PRMT3: variants seen among roughly 807,000 people sequenced by gnomAD.
PRMT3 encodes the protein protein arginine methyltransferase 3, also known as protein arginine N-methyltransferase 3.
Under a neutral mutation model 71.9 loss-of-function variants are expected in PRMT3, and 62 were observed. The observed-to-expected ratio is 0.86, with a 90% confidence interval of 0.70 to 1.07. The LOEUF is 1.07. PRMT3 is among the 50% of genes least tolerant of loss of function. The pLI is 0.00. For synonymous variants in PRMT3, 213 were observed against 220.4 expected (o/e 0.97, Z 0.30); for missense variants, 663 against 643.0 (o/e 1.03, Z -0.34).
intron 13 of PRMT3, among the ~76,000 whole-genome samples, chr11:20,472,876 AGGGTGGG>A (rs1200893704): frequency 8.5e-4 from 1 of 1,170 alleles, no homozygotes; most frequent in African/African-American, 3.6e-3. Flanking sequence ...TGGGGGGTGG[AGGGTGGG>A]GAGGTGTTGA....
intron 13 of PRMT3, among the ~76,000 whole-genome samples, chr11:20,468,003 C>G (rs959441369): frequency 6.6e-6 from 1 of 152,150 alleles, no homozygotes; most frequent in Non-Finnish European, 1.5e-5. Context: ...ATTAGTCGCC[C>G]AGTTTATGTG....
intron 15 of PRMT3, among the ~76,000 whole-genome samples, chr11:20,499,105 CAT>C (rs1424183059): frequency 3.3e-5 from 5 of 152,094 alleles, no homozygotes; most frequent in Admixed American, 6.5e-5. Context: ...AGGCTTAAAA[CAT>C]ATGGAGAAGT....
intron 10 of PRMT3, among the ~76,000 whole-genome samples, chr11:20,451,509 A>T (rs1193756458): frequency 1.3e-5 from 2 of 151,296 alleles, no homozygotes; most frequent in South Asian, 2.1e-4. Context: ...TTTTTTTAAT[A>T]CCAAAAAGAA....
At position 20,477,805 on chromosome 11, in the gene PRMT3, C is replaced by G. The variant is rs1172853829; in HGVS notation, c.1347+13259C>G. Among the ~76,000 whole-genome samples the G allele has an allele frequency of 4.5e-5, 6 of 133,012 alleles. No homozygotes were observed. The South Asian group carries it at 8.3e-4, about 19-fold the overall frequency. The allele number at this position is 133,012 out of a possible 152,430, so 87.3% of individuals were successfully genotyped here. A position where few individuals can be genotyped will look rare whatever the true frequency, so the allele number is the denominator to read the frequency against. ...AGAAGGTTTTGGCTTAGGAGAAACCCCCCCCCCCCACTTCCTGTTTTGCAG... is the reference window on the plus strand; with the variant it reads ...AGAAGGTTTTGGCTTAGGAGAAACCGCCCCCCCCCACTTCCTGTTTTGCAG... On this transcript the variant is annotated intron_variant, in intron 13 of 15. Transcript: ENST00000331079.
intron 13 of PRMT3, among the ~76,000 whole-genome samples, chr11:20,484,726 C>G (rs534732191): frequency 3.9e-5 from 6 of 152,240 alleles, no homozygotes; most frequent in Non-Finnish European, 7.4e-5. Context: ...CTTTATCATA[C>G]AGGTAGGGGG....
At chr11:20,427,436 TAATG>T (rs1849571255) in intron 10 of PRMT3, among the ~76,000 whole-genome samples, 1 of 152,186 alleles carries the variant, frequency 6.6e-6, no homozygotes, top group African/African-American at 2.4e-5. Context: ...GAAATAAAAT[TAATG>T]GAGTCTGGGT....
intron 7 of PRMT3, among the ~76,000 whole-genome samples, chr11:20,399,742 C>G (rs910457130): frequency 6.6e-6 from 1 of 152,122 alleles, no homozygotes; most frequent in Non-Finnish European, 1.5e-5. Context: ...TGAGTACTTA[C>G]CATTTACAAA....
At chr11:20,417,278 G>T (rs973399602) in intron 9 of PRMT3, among the ~76,000 whole-genome samples, 1 of 152,124 alleles carries the variant, frequency 6.6e-6, no homozygotes, top group African/African-American at 2.4e-5. Context: ...GAGCAAAAGA[G>T]AAATAAATAT....
At chr11:20,433,571 G>A (rs1464156053) in intron 10 of PRMT3, among the ~76,000 whole-genome samples, 1 of 152,104 alleles carries the variant, frequency 6.6e-6, no homozygotes, top group East Asian at 1.9e-4. Context: ...ATTTCTCTGG[G>A]TATATACCCA....
chr11:20,435,196 A>G (rs1485090535), intron 10 of PRMT3, among the ~76,000 whole-genome samples: 1 of 151,878 alleles, frequency 6.6e-6, no homozygotes, highest in Non-Finnish European at 1.5e-5. Flanking sequence ...TTAAATATTT[A>G]ATCCATTTTT....
At chr11:20,476,767 C>CTTTAACCAGTTTGATCCATCTT (rs1850799270) in intron 13 of PRMT3, among the ~76,000 whole-genome samples, 2 of 149,308 alleles carry the variant, frequency 1.3e-5, no homozygotes, top group African/African-American at 5.0e-5. Context: ...TTTTTTATCT[C>CTTTAACCAGTTTGATCCATCTT]TTTAACCAGT....
intron 3 of PRMT3, among the ~76,000 whole-genome samples, chr11:20,391,098 TAAG>T (rs1848704070): frequency 6.6e-6 from 1 of 151,518 alleles, no homozygotes; most frequent in African/African-American, 2.4e-5. Flanking sequence ...TGTTGACAAC[TAAG>T]AAGGGACATT....
Position 20,395,807 on chromosome 11 carries a change from A to G in PRMT3, c.405A>G (p.Val135=), listed in dbSNP as rs762133888. ...LEDDLLLQFD[V]EDLYEPVSVP... Reference sequence around the variant, plus strand: ...AATGTCCATTTATTTCTTTAGATGTAGAAGATCTTTATGAACCGGTGTCAG... The same window carrying G: ...AATGTCCATTTATTTCTTTAGATGTGGAAGATCTTTATGAACCGGTGTCAG... Residue 135 remains valine, a synonymous_variant, in exon 6 of 16, where the codon GTA becomes GTG. Coordinates refer to ENST00000331079, the MANE Select transcript of PRMT3 (RefSeq NM_005788.4). The G allele has an allele frequency of 1.2e-6, 2 of 1,610,462 alleles. No homozygotes were observed. Among genetic ancestry groups the G allele is most frequent in the Non-Finnish European group, 1.7e-6 (2 of 1,178,376 alleles).
intron 15 of PRMT3, among the ~76,000 whole-genome samples, chr11:20,507,492 A>G (rs1176494224): frequency 6.6e-6 from 1 of 152,194 alleles, no homozygotes; most frequent in African/African-American, 2.4e-5. Flanking sequence ...TTAATGAAAC[A>G]GGGCTGGGCG....
At chr11:20,504,942 A>G (rs1851555399) in intron 15 of PRMT3, among the ~76,000 whole-genome samples, 1 of 152,174 alleles carries the variant, frequency 6.6e-6, no homozygotes, top group Non-Finnish European at 1.5e-5. Flanking sequence ...CAGGTTGGCC[A>G]GGCTGGTCTC....
intron 10 of PRMT3, among the ~76,000 whole-genome samples, chr11:20,444,236 A>G (rs1378347759): frequency 1.3e-5 from 2 of 152,168 alleles, no homozygotes; most frequent in African/African-American, 4.8e-5. Flanking sequence ...AGTTTCTAGT[A>G]TATCTGTCTT....
chr11:20,476,390 T>A (rs6483694), intron 13 of PRMT3, among the ~76,000 whole-genome samples: 125,997 of 152,114 alleles, frequency 0.83, 52,980 homozygotes, highest in Non-Finnish European at 0.91. Flanking sequence ...AAAGGCACTT[T>A]AATGAAAGGA....
chr11:20,411,885 A>G (rs1012332515), intron 9 of PRMT3, among the ~76,000 whole-genome samples: 1 of 152,190 alleles, frequency 6.6e-6, no homozygotes, highest in Non-Finnish European at 1.5e-5. Context: ...TTCAGAGGGA[A>G]CAGCCATGTA....
chr11:20,426,864 T>C lies in PRMT3; in HGVS notation c.992T>C (p.Met331Thr). Reference sequence around the variant, plus strand: ...GTAGATGTTATCATATCTGAGTGGATGGTGAGTGTTTATAGAAAAAACTAC... The same window carrying C: ...GTAGATGTTATCATATCTGAGTGGACGGTGAGTGTTTATAGAAAAAACTAC... ...EKVDVIISEWMGYFLLFESML... is the reference protein window; with the variant it reads ...EKVDVIISEWTGYFLLFESML... The change falls in exon 10 of 16, where the codon ATG becomes ACG. Residue 331 changes from methionine (M) to threonine (T), a missense_variant and splice_region_variant. Met to Thr is a moderately conservative substitution (Grantham distance 81). Coordinates refer to ENST00000331079, the MANE Select transcript of PRMT3 (RefSeq NM_005788.4). 1 of 1,527,716 alleles carries C rather than the reference T, an allele frequency of 6.5e-7. No individual in the cohort carries two copies. The highest frequency in any genetic ancestry group is 8.7e-7 in the Non-Finnish European group (1 of 1,150,132). 94.6% of individuals were successfully genotyped at this position (1,527,716 alleles called of 1,614,324 possible).
Sources: gnomAD v4.1 joint callset for allele counts (sites outside exome capture counted in the v4.1 genomes callset) on GRCh38, gnomAD v4.1.1 for gene constraint, MANE v1.5 for transcripts, NCBI Gene and HGNC (gene_info 2026-07-23, HGNC 2026-07-21) for gene names.